Variants in HCN1 observed in about 807,000 individuals in gnomAD.
HCN1 encodes hyperpolarization activated cyclic nucleotide gated potassium channel 1, also known as potassium/sodium hyperpolarization-activated cyclic nucleotide-gated channel 1.
In HCN1, 13 loss-of-function variants were observed where a neutral mutation model predicts 78.9. That is an observed-to-expected ratio of 0.16 (90% CI 0.11 to 0.26). The LOEUF (loss-of-function observed/expected upper bound fraction) is 0.26, where lower values mean the gene tolerates loss of function less well. Ranked by LOEUF, HCN1 falls within the 10% of genes least tolerant of loss-of-function variation. The pLI is 1.00. For synonymous variants in HCN1, 552 were observed against 455.5 expected, an observed-to-expected ratio of 1.21 and a Z score of -2.70; for missense variants, 810 against 1,154.3, an observed-to-expected ratio of 0.70 and a Z score of 4.32.
chr5:45,518,142 T>A (rs1045386911), intron 2 of HCN1, among the ~76,000 whole-genome samples: 7 of 152,118 alleles, frequency 4.6e-5, no homozygotes, highest in Admixed American at 2.0e-4. Flanking sequence ...GAAACAACTT[T>A]ATCTTAGAGG....
chr5:45,274,035 A>C (rs954924418), intron 6 of HCN1, among the ~76,000 whole-genome samples: 1 of 152,192 alleles, frequency 6.6e-6, no homozygotes, highest in Non-Finnish European at 1.5e-5. Flanking sequence ...TTCTTAGTAC[A>C]GTACTTTAAT....
chr5:45,344,348 C>T (rs920920940), intron 5 of HCN1, among the ~76,000 whole-genome samples: 3 of 152,024 alleles, frequency 2.0e-5, no homozygotes, highest in African/African-American at 4.8e-5. Context: ...TCATTCCACC[C>T]CTGCCCCCTA....
At chr5:45,370,000 T>C (rs997845782) in intron 4 of HCN1, among the ~76,000 whole-genome samples, 3 of 151,958 alleles carry the variant, frequency 2.0e-5, no homozygotes, top group Admixed American at 2.0e-4. Flanking sequence ...ATGACTGGAA[T>C]TGTACTTCCA....
intron 3 of HCN1, among the ~76,000 whole-genome samples, chr5:45,421,711 C>T (rs1031470572): frequency 6.6e-6 from 1 of 152,036 alleles, no homozygotes; most frequent in Non-Finnish European, 1.5e-5. Context: ...TTGGGTTACT[C>T]GAATAAAATA....
chr5:45,298,028 T>C (rs1745534702), intron 6 of HCN1, among the ~76,000 whole-genome samples: 1 of 151,894 alleles, frequency 6.6e-6, no homozygotes, highest in South Asian at 2.1e-4. Flanking sequence ...TGGTGATAGG[T>C]GGATGCTTTC....
chr5:45,378,520 C>A (rs978555310), intron 4 of HCN1, among the ~76,000 whole-genome samples: 1 of 151,984 alleles, frequency 6.6e-6, no homozygotes, highest in African/African-American at 2.4e-5. Flanking sequence ...ATTTAAGCAC[C>A]CCTATCTCCA....
At chr5:45,614,180 A>T (rs531435151) in intron 2 of HCN1, among the ~76,000 whole-genome samples, 1 of 152,210 alleles carries the variant, frequency 6.6e-6, no homozygotes, top group South Asian at 2.1e-4. Context: ...GCTATTTTCC[A>T]AAAGTTCCTC....
At chr5:45,421,587 A>C (rs1280645439) in intron 3 of HCN1, among the ~76,000 whole-genome samples, 1 of 152,190 alleles carries the variant, frequency 6.6e-6, no homozygotes, top group East Asian at 1.9e-4. Flanking sequence ...ACAGAAACCA[A>C]CAGTATATTC....
chr5:45,364,296 AG>A (rs1348908409), intron 4 of HCN1, among the ~76,000 whole-genome samples: 1 of 152,100 alleles, frequency 6.6e-6, no homozygotes, highest in African/African-American at 2.4e-5. Context: ...CCAATCCTCA[AG>A]TCAATGGTCC....
chr5:45,349,476 G>T (rs914120677), intron 5 of HCN1, among the ~76,000 whole-genome samples: 2 of 152,016 alleles, frequency 1.3e-5, no homozygotes, highest in Non-Finnish European at 2.9e-5. Flanking sequence ...AGAAAAGCAA[G>T]AGCAAATACA....
chr5:45,412,932 T>C (rs1256979117), intron 3 of HCN1, among the ~76,000 whole-genome samples: 2 of 152,108 alleles, frequency 1.3e-5, no homozygotes, highest in Non-Finnish European at 2.9e-5. Flanking sequence ...ATCAAGCACA[T>C]AAGATGGCAT....
At position 45,561,805 on chromosome 5, in the gene HCN1, A is replaced by T. The variant is rs181849617; in HGVS notation, c.849+83380T>A. 5.3e-5 allele frequency among the ~76,000 whole-genome samples: 8 copies of T among 152,244 alleles called. No homozygotes were observed. The East Asian group carries it at 1.5e-3, about 29-fold the overall frequency. On this transcript the variant is annotated intron_variant, in intron 2 of 7. Coordinates refer to ENST00000303230, the MANE Select transcript of HCN1 (RefSeq NM_021072.4). Reference sequence around the variant, plus strand: ...ATTGAGTTCAATCACATGTCCGGTGATTAATCATACTTACTTAACAAAATC... The same window carrying T: ...ATTGAGTTCAATCACATGTCCGGTGTTTAATCATACTTACTTAACAAAATC...
At chr5:45,263,209 C>T (rs1035051754) in intron 7 of HCN1, among the ~76,000 whole-genome samples, 3 of 152,154 alleles carry the variant, frequency 2.0e-5, no homozygotes, top group African/African-American at 7.2e-5. Flanking sequence ...CATTTGAACA[C>T]GTACTATGTG....
At position 45,396,768 on chromosome 5, in the gene HCN1, T is replaced by C. The variant is rs762816050; in HGVS notation, c.1012-58A>G. 6.1e-4 allele frequency: 769 copies of C among 1,262,614 alleles called. 2 individuals carry two copies. Among genetic ancestry groups the C allele is most frequent in the Middle Eastern group, 1.6e-3 (7 of 4,466 alleles). 78.2% of individuals were successfully genotyped at this position (1,262,614 alleles called of 1,614,324 possible). On this transcript the variant is annotated intron_variant, in intron 3 of 7. Coordinates refer to ENST00000303230, the MANE Select transcript of HCN1 (RefSeq NM_021072.4). ...GCCATTAGGATGGCAGAATGAAAAGTGAGTAGGACCTGTACACAGAAGCAT... is the reference window on the plus strand; with the variant it reads ...GCCATTAGGATGGCAGAATGAAAAGCGAGTAGGACCTGTACACAGAAGCAT...
chr5:45,423,899 C>T (rs1302485430), intron 3 of HCN1, among the ~76,000 whole-genome samples: 1 of 152,164 alleles, frequency 6.6e-6, no homozygotes, highest in African/African-American at 2.4e-5. Context: ...AAGAACTATG[C>T]TTATTGTATA....
intron 1 of HCN1, among the ~76,000 whole-genome samples, chr5:45,687,916 A>G (rs963031366): frequency 6.6e-6 from 1 of 152,158 alleles, no homozygotes; most frequent in Non-Finnish European, 1.5e-5. Context: ...CCTGGCTCCA[A>G]GCATCCTAAT....
chr5:45,555,567 C>T (rs996410950), intron 2 of HCN1, among the ~76,000 whole-genome samples: 6 of 151,700 alleles, frequency 4.0e-5, no homozygotes, highest in African/African-American at 1.2e-4. Flanking sequence ...AAGGCACACA[C>T]ATACACAGAG....
At chr5:45,525,327 A>C (rs1252729446) in intron 2 of HCN1, among the ~76,000 whole-genome samples, 1 of 151,982 alleles carries the variant, frequency 6.6e-6, no homozygotes. Context: ...CATACAAAGT[A>C]TTATAGTTTC....
At chr5:45,508,530 A>G (rs1191651556) in intron 2 of HCN1, among the ~76,000 whole-genome samples, 1 of 152,108 alleles carries the variant, frequency 6.6e-6, no homozygotes, top group East Asian at 1.9e-4. Flanking sequence ...AACATTAGGC[A>G]CTGTCTTTTC....
Sources: gnomAD v4.1 joint callset for allele counts (sites outside exome capture counted in the v4.1 genomes callset) on GRCh38, gnomAD v4.1.1 for gene constraint, MANE v1.5 for transcripts, NCBI Gene and HGNC (gene_info 2026-07-23, HGNC 2026-07-21) for gene names.